SELP: variants seen among roughly 807,000 people sequenced by gnomAD.
SELP encodes the protein selectin P.
Under a neutral mutation model 104.1 loss-of-function variants are expected in SELP, and 92 were observed. The ratio of observed to expected loss-of-function variants is 0.88; its 90% CI spans 0.75 to 1.05. The LOEUF is 1.05. Ranked by LOEUF, SELP falls within the 50% of genes least tolerant of loss-of-function variation. The pLI is 0.00. For missense variants in SELP, 1,022 were observed against 1,017.3 expected (o/e 1.00, Z -0.06); for synonymous variants, 397 against 364.5 (o/e 1.09, Z -1.01).
rs192861154 is a variant in SELP at position 169,629,981 on chromosome 1, C to A, written c.3+91G>T. 182 of 1,519,902 alleles carry A rather than the reference C, an allele frequency of 1.2e-4. 1 individual carries two copies. The Admixed American group carries it at 3.0e-3, about 25-fold the overall frequency. 94.2% of individuals were successfully genotyped at this position (1,519,902 alleles called of 1,614,324 possible). A position where few individuals can be genotyped will look rare whatever the true frequency, so the allele number is the denominator to read the frequency against. ...ATAAAACTCCATGGCTATCGCTGTTCCTCACTTTCTGAACCTTTACCTGCC... is the reference window on the plus strand; with the variant it reads ...ATAAAACTCCATGGCTATCGCTGTTACTCACTTTCTGAACCTTTACCTGCC... On this transcript the variant is annotated intron_variant, in intron 1 of 16. Transcript: ENST00000263686.
chr1:169,590,133 T>C lies in SELP; in HGVS notation c.*1+14A>G. ...GTTCTATTTCCTTCAAAAATATCTTTATAGGGATCTTACCTTAAGGACTCG... is the reference window on the plus strand; with the variant it reads ...GTTCTATTTCCTTCAAAAATATCTTCATAGGGATCTTACCTTAAGGACTCG... On this transcript the variant is annotated intron_variant, in intron 16 of 16. Transcript: ENST00000263686. 2 of 1,580,038 alleles carry C rather than the reference T, an allele frequency of 1.3e-6. No individual in the cohort carries two copies. The highest frequency in any genetic ancestry group is 2.2e-5 in the South Asian group (2 of 90,244).
intron 9 of SELP, among the ~76,000 whole-genome samples, chr1:169,606,628 A>G (rs1329873052): frequency 6.6e-6 from 1 of 151,812 alleles, no homozygotes; most frequent in Non-Finnish European, 1.5e-5. Flanking sequence ...TCCAGATGCC[A>G]TGTTTGGCCA....
At position 169,612,269 on chromosome 1, in the gene SELP, C is replaced by T. The variant is rs2101904224; in HGVS notation, c.909G>A (p.Val303=). The change falls in exon 6 of 17, where the codon GTG becomes GTA. Residue 303 remains valine, a synonymous_variant. Coordinates refer to ENST00000263686, the MANE Select transcript of SELP (RefSeq NM_003005.4). The part of the protein sequence containing the change: ...EEGFALVGPE[V]VQCTASGVWT... ...ATACCCCCGAGGCTGTGCATTGCAC[C>T]ACTTCCGGTCCAACTAATGCAAATC... is the stretch of plus-strand genomic sequence containing the variant. 1 of 1,614,114 alleles carries T rather than the reference C, an allele frequency of 6.2e-7. No individual in the cohort carries two copies. The highest frequency in any genetic ancestry group is 8.5e-7 in the Non-Finnish European group (1 of 1,180,000).
chr1:169,613,149 T>G, intron 4 of SELP, 35 bp from the exon 5 acceptor site: 1 of 1,540,912 alleles, frequency 6.5e-7, no homozygotes, highest in Non-Finnish European at 8.8e-7. Context: ...TTATTTTCCA[T>G]GTAGAATTAA....
chr1:169,607,452 T>C (rs1053184216), intron 8 of SELP, among the ~76,000 whole-genome samples: 1 of 152,142 alleles, frequency 6.6e-6, no homozygotes, highest in Non-Finnish European at 1.5e-5. Flanking sequence ...GTGAAGACAT[T>C]ATTTGTAAGA....
Position 169,595,911 on chromosome 1 carries a change from C to T in SELP, c.2101+14G>A, listed in dbSNP as rs1661580137. 6.2e-7 allele frequency: 1 copy of T among 1,612,200 alleles called. No homozygotes were observed. The highest frequency in any genetic ancestry group is 2.2e-5 in the East Asian group (1 of 44,870). On this transcript the variant is annotated intron_variant, in intron 12 of 16. Coordinates refer to ENST00000263686, the MANE Select transcript of SELP (RefSeq NM_003005.4). ...GAAGGCAGGTTCAGAACTGCCTGCTCCTTTTCACCTTACCTCTGCATGCTG... is the reference window on the plus strand; with the variant it reads ...GAAGGCAGGTTCAGAACTGCCTGCTTCTTTTCACCTTACCTCTGCATGCTG...
At chr1:169,621,134 T>A (rs1402598687) in intron 1 of SELP, among the ~76,000 whole-genome samples, 1 of 89,546 alleles carries the variant, frequency 1.1e-5, no homozygotes, top group Non-Finnish European at 2.1e-5. Flanking sequence ...ACCCCAGTGA[T>A]GAGATGTAGG....
Position 169,612,327 on chromosome 1 carries a change from T to C in SELP, c.851A>G (p.His284Arg). 6.2e-7 allele frequency: 1 copy of C among 1,614,166 alleles called. No individual in the cohort carries two copies. Among genetic ancestry groups the C allele is most frequent in the Non-Finnish European group, 8.5e-7 (1 of 1,180,006 alleles). ...ACAACTGAAGCTGCAGCTAGACTGA[T>C]GCTGGAATGCTTTTGCAGAATGAAG... is the stretch of plus-strand genomic sequence containing the variant. ...TCLHSAKAFQ[H>R]QSSCSFSCEE... The change falls in exon 6 of 17, where the codon CAT becomes CGT. Residue 284 changes from histidine (H) to arginine (R), a missense_variant. By Grantham distance (29) the His-to-Arg change is conservative. Coordinates refer to ENST00000263686, the MANE Select transcript of SELP (RefSeq NM_003005.4).
intron 10 of SELP, among the ~76,000 whole-genome samples, chr1:169,600,780 T>C (rs1049670443): frequency 2.0e-5 from 3 of 152,206 alleles, no homozygotes; most frequent in African/African-American, 7.2e-5. Context: ...AGGAACCATT[T>C]GCCTAAATTT....
rs138877460 is a variant in SELP at position 169,604,020 on chromosome 1, T to C, written c.1520-809A>G. On this transcript the variant is annotated intron_variant, in intron 9 of 16. Transcript: ENST00000263686. ...TTCTAGTTCCAGATCCCTGAGGAAT[T>C]GCCACACTGACTTCCACCATGGTTG... Among the ~76,000 whole-genome samples, 952 of 152,314 alleles carry C rather than the reference T, an allele frequency of 6.3e-3. 3 individuals are homozygous for C. Among genetic ancestry groups the C allele is most frequent in the Middle Eastern group, 0.01 (3 of 294 alleles).
At chr1:169,624,338 C>T (rs1412702919) in intron 1 of SELP, among the ~76,000 whole-genome samples, 3 of 152,200 alleles carry the variant, frequency 2.0e-5, no homozygotes, top group Non-Finnish European at 4.4e-5. Flanking sequence ...TTAATGTTCT[C>T]TGGAAGGCTG....
At position 169,597,027 on chromosome 1, in the gene SELP, A is replaced by C. The variant is rs2228672; in HGVS notation, c.1855T>G (p.Ser619Ala). ...EGPNNVECTT[S>A]GRWSATPPTC... ...GGTGGAGTAGCTGACCATCTTCCAG[A>C]AGTTGTGCATTCCACATTATTGGGC... Residue 619 changes from serine (S) to alanine (A), a missense_variant, in exon 11 of 17, where the codon TCT becomes GCT. Physicochemically the swap from Ser to Ala is moderately conservative, Grantham distance 99 (BLOSUM62 1). Coordinates refer to ENST00000263686, the MANE Select transcript of SELP (RefSeq NM_003005.4). The C allele has an allele frequency of 1.9e-3, 3,120 of 1,612,984 alleles. 53 individuals carry two copies. The African/African-American group carries it at 0.036, about 19-fold the overall frequency.
chr1:169,607,022 C>A lies in SELP; in HGVS notation c.1446G>T (p.Leu482Phe), dbSNP rs563680945. ...GTAGCACACTTGCTCCCACCAGGAGCAAGCCTTCATTGCAGGTGAAGCTGC... is the reference window on the plus strand; with the variant it reads ...GTAGCACACTTGCTCCCACCAGGAGAAAGCCTTCATTGCAGGTGAAGCTGC... ...SVCSFTCNEGLLLVGASVLQC... is the reference protein window; with the variant it reads ...SVCSFTCNEGFLLVGASVLQC... Residue 482 changes from leucine to phenylalanine, a missense_variant, in exon 9 of 17, where the codon TTG becomes TTT. By Grantham distance (22) the Leu-to-Phe change is conservative (BLOSUM62 0). Coordinates refer to ENST00000263686, the MANE Select transcript of SELP (RefSeq NM_003005.4). The A allele has an allele frequency of 6.8e-5, 110 of 1,613,788 alleles. No homozygotes were observed. In the South Asian group the frequency reaches 1.1e-3, roughly 17 times the overall value.
chr1:169,612,481 G>T, intron 5 of SELP, 79 bp from the exon 6 acceptor site: 1 of 1,397,762 alleles, frequency 7.2e-7, no homozygotes, highest in South Asian at 1.2e-5. Context: ...AAATTCTGCA[G>T]CAGTCACACC....
intron 1 of SELP, among the ~76,000 whole-genome samples, chr1:169,627,230 G>T (rs1324466626): frequency 6.6e-6 from 1 of 152,196 alleles, no homozygotes; most frequent in East Asian, 1.9e-4. Context: ...GACGGTGGTG[G>T]TGTTAGTGGT....
intron 9 of SELP, among the ~76,000 whole-genome samples, chr1:169,604,381 T>C (rs1448270955): frequency 2.6e-5 from 4 of 152,212 alleles, no homozygotes; most frequent in African/African-American, 7.2e-5. Context: ...ATTGCAAAAA[T>C]GTTCTCCCAT....
chr1:169,613,746 G>C, intron 3 of SELP, 53 bp from the exon 4 acceptor site: 1 of 1,488,810 alleles, frequency 6.7e-7, no homozygotes, highest in Non-Finnish European at 9.4e-7. Context: ...TGTGAGGAAA[G>C]GCTGAATTCT....
rs142790885 is a variant in SELP at position 169,617,028 on chromosome 1, C to G, written c.481G>C (p.Ala161Pro). 1.4e-5 allele frequency: 23 copies of G among 1,590,996 alleles called. No individual in the cohort carries two copies. The highest frequency in any genetic ancestry group is 8.1e-5 in the African/African-American group (6 of 73,888). The change falls in exon 3 of 17, where the codon GCC (alanine) becomes CCC (proline). Residue 161 changes from alanine (A) to proline (P), a missense_variant and splice_region_variant. Physicochemically the swap from Ala to Pro is conservative, Grantham distance 27 (BLOSUM62 -1). Coordinates refer to ENST00000263686, the MANE Select transcript of SELP (RefSeq NM_003005.4). ...LKKKHALCYT[A>P]SCQDMSCSKQ... is the part of the protein sequence containing the mutation. Reference sequence around the variant, plus strand: ...AGTTTCAAAGTAGAGAAGGCCCTACCTGTGTAACACAATGCGTGCTTTTTC... The same window carrying G: ...AGTTTCAAAGTAGAGAAGGCCCTACGTGTGTAACACAATGCGTGCTTTTTC...
At chr1:169,621,259 CCA>C (rs1448003149) in intron 1 of SELP, among the ~76,000 whole-genome samples, 1 of 136,660 alleles carries the variant, frequency 7.3e-6, no homozygotes, top group East Asian at 2.2e-4. Flanking sequence ...GTGTCACACC[CCA>C]GTGATGGATG....
Sources: gnomAD v4.1 joint callset for allele counts (sites outside exome capture counted in the v4.1 genomes callset) on GRCh38, gnomAD v4.1.1 for gene constraint, MANE v1.5 for transcripts, NCBI Gene and HGNC (gene_info 2026-07-23, HGNC 2026-07-21) for gene names.